ARMC2: variants seen among roughly 807,000 people sequenced by gnomAD.
The protein encoded by ARMC2 is armadillo repeat containing 2.
ARMC2 carries 67 observed loss-of-function variants against 90.3 expected under a neutral mutation model. The observed-to-expected ratio is 0.74, with a 90% CI of 0.61 to 0.91. The LOEUF is 0.91. ARMC2 is among the 40% of genes least tolerant of loss of function. The pLI is 0.00. For synonymous variants in ARMC2, 393 were observed against 393.0 expected (o/e 1.00, Z 0.00); for missense variants, 920 against 1,030.9 (o/e 0.89, Z 1.47).
chr6:108,893,320 T>TA lies in ARMC2; in HGVS notation c.672-1142dup, dbSNP rs375548235. On this transcript the variant is annotated intron_variant, in intron 5 of 17. Coordinates refer to ENST00000392644, the MANE Select transcript of ARMC2 (RefSeq NM_032131.6). ...TTGTCAGAGAATATTAATTTAATTT[T>TA]AAAAATGGAATCAGGGCACATTTTT... 4.2e-3 allele frequency among the ~76,000 whole-genome samples: 637 copies of TA among 152,332 alleles called. 3 individuals are homozygous for TA. Among genetic ancestry groups the TA allele is most frequent in the African/African-American group, 0.014 (598 of 41,570 alleles).
intron 6 of ARMC2, among the ~76,000 whole-genome samples, chr6:108,896,378 C>A (rs1011559739): frequency 6.6e-6 from 1 of 152,126 alleles, no homozygotes; most frequent in African/African-American, 2.4e-5. Context: ...TAGATTGTTG[C>A]CCAAGATTGA....
chr6:108,880,230 T>C (rs1347668178), intron 5 of ARMC2: 5 of 308,638 alleles, frequency 1.6e-5, no homozygotes, highest in Non-Finnish European at 3.1e-5. Flanking sequence ...CTTCTCACAT[T>C]GTGTAATAAA....
At chr6:109,012,395 A>G in the ARMC2 span, among the ~76,000 whole-genome samples, 3 of 152,320 alleles carry the variant, frequency 2.0e-5, no homozygotes, top group African/African-American at 7.2e-5. Context: ...ATTTTGGTCA[A>G]CTTACTCAAC....
chr6:108,878,780 C>T (rs1470698901), intron 5 of ARMC2, among the ~76,000 whole-genome samples: 1 of 152,188 alleles, frequency 6.6e-6, no homozygotes, highest in Non-Finnish European at 1.5e-5. Flanking sequence ...CATTTAAGGT[C>T]TGGCAGACTT....
intron 12 of ARMC2, among the ~76,000 whole-genome samples, chr6:108,946,337 C>G (rs1776811166): frequency 6.6e-6 from 1 of 152,192 alleles, no homozygotes; most frequent in South Asian, 2.1e-4. Flanking sequence ...GTAATCTCTT[C>G]TGGTTTTAAA....
At chr6:108,915,692 C>T (rs1434944136) in intron 10 of ARMC2, among the ~76,000 whole-genome samples, 1 of 152,104 alleles carries the variant, frequency 6.6e-6, no homozygotes, top group Non-Finnish European at 1.5e-5. Context: ...AGAGGTAGGG[C>T]TGTCTAGAGT....
At chr6:108,960,210 C>A (rs2104118) in intron 13 of ARMC2, among the ~76,000 whole-genome samples, 8 of 151,946 alleles carry the variant, frequency 5.3e-5, no homozygotes, top group Non-Finnish European at 8.8e-5. Flanking sequence ...TGTGCACCGG[C>A]GGGGGACACC....
At chr6:108,998,555 G>T in the ARMC2 span, 1 of 1,613,906 alleles carries the variant, frequency 6.2e-7, no homozygotes, top group South Asian at 1.1e-5. Flanking sequence ...CATCCACACT[G>T]TGATTGCCAT....
chr6:109,018,351 A>G, the ARMC2 span, among the ~76,000 whole-genome samples: 6 of 152,222 alleles, frequency 3.9e-5, no homozygotes, highest in Non-Finnish European at 8.8e-5. Flanking sequence ...CATTCTTGTA[A>G]ATGTATAAAT....
At chr6:108,975,193 C>G (rs1334415832), downstream of ARMC2, among the ~76,000 whole-genome samples, 1 of 151,030 alleles carries the variant, frequency 6.6e-6, no homozygotes, top group African/African-American at 2.4e-5. Flanking sequence ...GTGTGATGTT[C>G]CCCTCTGTGT....
intron 17 of ARMC2, among the ~76,000 whole-genome samples, chr6:108,972,096 C>T (rs1778807478): frequency 6.6e-6 from 1 of 152,132 alleles, no homozygotes; most frequent in South Asian, 2.1e-4. Context: ...GAGTGTGAGG[C>T]TCAACATCAA....
intron 12 of ARMC2, among the ~76,000 whole-genome samples, chr6:108,948,051 T>C (rs1329666104): frequency 6.6e-6 from 1 of 152,336 alleles, no homozygotes; most frequent in East Asian, 1.9e-4. Flanking sequence ...GCTGTGGAAT[T>C]GGTGCTCTCT....
At chr6:109,018,546 A>G in the ARMC2 span, among the ~76,000 whole-genome samples, 1 of 151,538 alleles carries the variant, frequency 6.6e-6, no homozygotes, top group Non-Finnish European at 1.5e-5. Context: ...GAAAGGGTGT[A>G]ACTGTCAATT....
intron 3 of ARMC2, among the ~76,000 whole-genome samples, chr6:108,858,985 A>G (rs918284943): frequency 2.0e-5 from 3 of 152,160 alleles, no homozygotes; most frequent in African/African-American, 7.2e-5. Flanking sequence ...TATTACTCCC[A>G]TATAGATATA....
intron 3 of ARMC2, among the ~76,000 whole-genome samples, chr6:108,865,971 C>T (rs1007246593): frequency 2.0e-5 from 3 of 147,050 alleles, no homozygotes; most frequent in Non-Finnish European, 4.4e-5. Context: ...GAGCCATGAT[C>T]GTACCACTGC....
chr6:108,927,312 T>G (rs754865468), intron 10 of ARMC2, among the ~76,000 whole-genome samples: 1 of 152,196 alleles, frequency 6.6e-6, no homozygotes, highest in Non-Finnish European at 1.5e-5. Flanking sequence ...GCTAGGGAAG[T>G]ATCATCACCT....
At chr6:109,025,788 G>T in the ARMC2 span, among the ~76,000 whole-genome samples, 1 of 151,704 alleles carries the variant, frequency 6.6e-6, no homozygotes, top group African/African-American at 2.4e-5. Context: ...ATACAGCAAA[G>T]AAATGAAATT....
the ARMC2 span, among the ~76,000 whole-genome samples, chr6:109,007,619 T>C: frequency 6.6e-6 from 1 of 152,150 alleles, no homozygotes; most frequent in Non-Finnish European, 1.5e-5. Flanking sequence ...CTCTGGGAGA[T>C]TGCCTATAGC....
At chr6:108,994,453 T>G in the ARMC2 span, 1 of 1,606,394 alleles carries the variant, frequency 6.2e-7, no homozygotes, top group Non-Finnish European at 8.5e-7. Flanking sequence ...ATATAATGGT[T>G]GTTCTTACCT....
Sources: allele counts gnomAD v4.1 joint callset (sites outside exome capture counted in the v4.1 genomes callset), GRCh38; gene constraint gnomAD v4.1.1; transcripts MANE v1.5; gene names NCBI Gene and HGNC (gene_info 2026-07-23, HGNC 2026-07-21).